NBPF15: variants seen among roughly 807,000 people sequenced by gnomAD.
NBPF15 encodes NBPF member 15, also known as NBPF family member NBPF15.
Under a neutral mutation model 62.2 loss-of-function variants are expected in NBPF15, and 74 were observed. The observed-to-expected ratio is 1.19, with a 90% confidence interval of 0.99 to 1.44. NBPF15 has a LOEUF of 1.44. NBPF15 is among the 40% of genes most tolerant of loss of function. The pLI is 0.00. For synonymous variants in NBPF15, 244 were observed against 209.7 expected, an observed-to-expected ratio of 1.16 and a Z score of -1.41; for missense variants, 790 against 550.0, an observed-to-expected ratio of 1.44 and a Z score of -4.36.
At chr1:144,450,652 G>C (rs1553545264) in intron 5 of NBPF15, 120 bp downstream of exon 5, 1 of 159,844 alleles carries the variant, frequency 6.3e-6, no homozygotes, top group Non-Finnish European at 1.3e-5. Flanking sequence ...GAGAAAACTA[G>C]TACAGGTGCC....
intron 4 of NBPF15, among the ~76,000 whole-genome samples, chr1:144,454,882 G>A (rs1452438023): frequency 1.4e-5 from 2 of 148,084 alleles, no homozygotes; most frequent in African/African-American, 2.5e-5. Context: ...GGAGGAGGAG[G>A]CTGGGAGGAC....
At chr1:144,461,334 A>T (rs1193932833) in intron 1 of NBPF15, 47 bp downstream of exon 1, 1 of 149,648 alleles carries the variant, frequency 6.7e-6, no homozygotes, top group Non-Finnish European at 1.5e-5. Flanking sequence ...AAAACTTGCG[A>T]CAGCCGCAGC....
chr1:144,438,600 T>C (rs1553541880), intron 8 of NBPF15, among the ~76,000 whole-genome samples: 1 of 152,054 alleles, frequency 6.6e-6, no homozygotes, highest in South Asian at 2.1e-4. Context: ...ATGAAGGAAA[T>C]ATGCCCAAAT....
At chr1:144,440,762 C>A (rs1403996652) in intron 6 of NBPF15, among the ~76,000 whole-genome samples, 3 of 150,142 alleles carry the variant, frequency 2.0e-5, no homozygotes, top group Non-Finnish European at 3.0e-5. Context: ...ACGCTATTCT[C>A]CTGCCTCAGA....
At chr1:144,461,065 G>T (rs1180424146) in intron 1 of NBPF15, 104 bp from the exon 2 acceptor site, 1 of 150,856 alleles carries the variant, frequency 6.6e-6, no homozygotes. Context: ...AGAGGCAACC[G>T]ATTTCTGGCC....
At chr1:144,423,375 A>G in intron 21 of NBPF15, 119 bp from the exon 22 acceptor site, 1 of 1,587,166 alleles carries the variant, frequency 6.3e-7, no homozygotes, top group Non-Finnish European at 8.5e-7. Flanking sequence ...AGATTCATTA[A>G]TGAGGTAAAA....
At chr1:144,430,535 CA>C (rs1188528436) in intron 13 of NBPF15, among the ~76,000 whole-genome samples, 2 of 148,324 alleles carry the variant, frequency 1.3e-5, no homozygotes, top group African/African-American at 5.0e-5. Context: ...TCAACATCAA[CA>C]AAAAAGACAT....
chr1:144,440,802 G>A (rs1386241725), intron 6 of NBPF15, among the ~76,000 whole-genome samples: 11 of 150,422 alleles, frequency 7.3e-5, no homozygotes, highest in South Asian at 2.1e-4. Flanking sequence ...ACAGGCGCCC[G>A]CCACCACGCC....
chr1:144,445,193 A>G (rs1472378694), intron 6 of NBPF15, among the ~76,000 whole-genome samples: 2 of 148,620 alleles, frequency 1.3e-5, no homozygotes, highest in South Asian at 2.1e-4. Flanking sequence ...TCTTTTGAGA[A>G]ATTGTTTCAA....
intron 19 of NBPF15, among the ~76,000 whole-genome samples, chr1:144,425,096 A>G (rs1553539030): frequency 1.4e-5 from 2 of 147,102 alleles, no homozygotes; most frequent in African/African-American, 5.2e-5. Context: ...ACACACACAC[A>G]CACACACAGA....
chr1:144,447,900 A>C (rs1688705436), intron 6 of NBPF15, among the ~76,000 whole-genome samples: 1 of 152,124 alleles, frequency 6.6e-6, no homozygotes, highest in East Asian at 1.9e-4. Context: ...GGCTGAGGGA[A>C]GGTGCAAGAG....
chr1:144,453,685 T>G (rs1411257914), intron 4 of NBPF15, among the ~76,000 whole-genome samples: 1 of 139,672 alleles, frequency 7.2e-6, no homozygotes, highest in Non-Finnish European at 1.6e-5. Context: ...AACACCTCAT[T>G]AATAAGATAT....
chr1:144,426,721 C>A (rs587710193), intron 17 of NBPF15, among the ~76,000 whole-genome samples: 5 of 151,896 alleles, frequency 3.3e-5, no homozygotes, highest in Admixed American at 6.6e-5. Flanking sequence ...GGTCAAAGGA[C>A]ACTCTGAGTT....
At chr1:144,447,736 C>G (rs1383207637) in intron 6 of NBPF15, among the ~76,000 whole-genome samples, 1 of 152,050 alleles carries the variant, frequency 6.6e-6, no homozygotes, top group Non-Finnish European at 1.5e-5. Flanking sequence ...AACCAGGAGT[C>G]AAGATATTGT....
chr1:144,443,211 T>C (rs1684865588), intron 6 of NBPF15, among the ~76,000 whole-genome samples: 1 of 151,918 alleles, frequency 6.6e-6, no homozygotes, highest in African/African-American at 2.4e-5. Flanking sequence ...CTTTTTTGTT[T>C]TGATGGATTT....
chr1:144,422,994 T>C lies in NBPF15; in HGVS notation c.*19A>G. Reference sequence around the variant, plus strand: ...GTCCTGCCTGCAGGAATGACATCTCTCGGCTTAGTAAGAGCTGCTTATTGT... The same window carrying C: ...GTCCTGCCTGCAGGAATGACATCTCCCGGCTTAGTAAGAGCTGCTTATTGT... On this transcript the variant is annotated 3_prime_UTR_variant, in exon 22 of 22. Coordinates refer to ENST00000581897, the MANE Select transcript of NBPF15 (RefSeq NM_001385408.1). 2 of 1,611,622 alleles carry C rather than the reference T, an allele frequency of 1.2e-6. No individual in the cohort carries two copies. Among genetic ancestry groups the C allele is most frequent in the South Asian group, 1.1e-5 (1 of 90,966 alleles).
rs1553538767 is a variant in NBPF15, at chr1:144,423,912, C to T, written c.1727G>A (p.Arg576Lys). The change falls in exon 21 of 22, where the codon AGG (arginine) becomes AAG (lysine). Residue 576 changes from arginine (R) to lysine (K), a missense_variant. Coordinates refer to ENST00000581897, the MANE Select transcript of NBPF15 (RefSeq NM_001385408.1). ...GTCATCTTCCCCTTCTTTTCTTCCC[C>T]TTCTTCTTTTCTTCTTTGATCTTCT... is the stretch of plus-strand genomic sequence containing the variant. ...RGRRSKKKRR[R>K]GRKEGEDDNP... 2 of 796,124 alleles carry T rather than the reference C, an allele frequency of 2.5e-6. No homozygotes were observed. Among genetic ancestry groups the T allele is most frequent in the East Asian group, 2.4e-5 (1 of 41,354 alleles). The allele number at this position is 796,124 out of a possible 1,614,324, so 49.3% of individuals were successfully genotyped here.
At chr1:144,451,349 T>A (rs1184823251) in intron 4 of NBPF15, among the ~76,000 whole-genome samples, 2 of 151,718 alleles carry the variant, frequency 1.3e-5, no homozygotes, top group African/African-American at 4.8e-5. Flanking sequence ...GACATTCCAT[T>A]GCCCAGGGAT....
intron 10 of NBPF15, among the ~76,000 whole-genome samples, chr1:144,436,174 AC>A (rs746736376): frequency 3.3e-5 from 5 of 152,066 alleles, no homozygotes; most frequent in Non-Finnish European, 7.4e-5. Context: ...ATTCCCAGGC[AC>A]AGGCTTGGTG....
Sources: gnomAD v4.1 joint callset for allele counts (sites outside exome capture counted in the v4.1 genomes callset) on GRCh38, gnomAD v4.1.1 for gene constraint, MANE v1.5 for transcripts, NCBI Gene and HGNC (gene_info 2026-07-23, HGNC 2026-07-21) for gene names.